RBM20: variants seen among roughly 807,000 people sequenced by gnomAD.
The protein encoded by RBM20 is RNA-binding protein 20.
RBM20 carries 51 observed loss-of-function variants against 110.1 expected under a neutral mutation model. That is an observed-to-expected ratio of 0.46 (90% CI 0.37 to 0.59). The LOEUF is 0.59. Among genes scored for constraint, RBM20 ranks in the 20% least tolerant of loss-of-function variants. RBM20 has a pLI of 0.00. For missense variants in RBM20, 1,512 were observed against 1,574.9 expected (o/e 0.96, Z 0.68); for synonymous variants, 589 against 618.2 (o/e 0.95, Z 0.70).
chr10:110,835,749 C>T (rs1845117670), intron 13 of RBM20, 119 bp from the exon 14 acceptor site: 11 of 979,428 alleles, frequency 1.1e-5, no homozygotes, highest in East Asian at 2.9e-5. Context: ...AAAAGGGTAA[C>T]CCCCACAGCT....
chr10:110,784,560 T>A (rs1844396888), intron 4 of RBM20, 128 bp downstream of exon 4: 1 of 774,590 alleles, frequency 1.3e-6, no homozygotes, highest in African/African-American at 1.7e-5. Flanking sequence ...AGCAAACAGA[T>A]CCCAAGACAC....
chr10:110,668,237 G>T (rs1039782036), intron 1 of RBM20, among the ~76,000 whole-genome samples: 3 of 120,930 alleles, frequency 2.5e-5, no homozygotes, highest in East Asian at 2.6e-4. Context: ...TGTGTCTGGG[G>T]CTACCTTGGG....
At chr10:110,759,608 G>A (rs200428440) in intron 1 of RBM20, among the ~76,000 whole-genome samples, 1 of 152,200 alleles carries the variant, frequency 6.6e-6, no homozygotes, top group Non-Finnish European at 1.5e-5. Flanking sequence ...TCCCAGCAGG[G>A]GCAGAGGGAG....
chr10:110,658,532 C>T (rs1437006012), intron 1 of RBM20, among the ~76,000 whole-genome samples: 1 of 152,174 alleles, frequency 6.6e-6, no homozygotes, highest in Non-Finnish European at 1.5e-5. Flanking sequence ...GCGTGCCCTC[C>T]TCTTTTTCGT....
intron 7 of RBM20, among the ~76,000 whole-genome samples, chr10:110,809,743 G>A (rs1453967777): frequency 6.6e-6 from 1 of 152,126 alleles, no homozygotes; most frequent in Non-Finnish European, 1.5e-5. Context: ...GTTGAAGGGG[G>A]CACAGAGCAT....
intron 2 of RBM20, among the ~76,000 whole-genome samples, chr10:110,782,643 C>G (rs1844369137): frequency 6.6e-6 from 1 of 152,132 alleles, no homozygotes. Flanking sequence ...TTACTCAGCC[C>G]CTTCTCCCCG....
intron 1 of RBM20, among the ~76,000 whole-genome samples, chr10:110,745,849 C>T (rs528900256): frequency 2.0e-5 from 3 of 152,124 alleles, no homozygotes; most frequent in Non-Finnish European, 2.9e-5. Flanking sequence ...ATGGAAATAG[C>T]GATGTATGCC....
chr10:110,649,255 A>T (rs1026335641), intron 1 of RBM20, among the ~76,000 whole-genome samples: 1 of 151,698 alleles, frequency 6.6e-6, no homozygotes, highest in African/African-American at 2.4e-5. Flanking sequence ...TTATATATTT[A>T]TTTATTTATT....
intron 1 of RBM20, among the ~76,000 whole-genome samples, chr10:110,689,258 G>A (rs551992664): frequency 6.6e-6 from 1 of 152,314 alleles, no homozygotes; most frequent in African/African-American, 2.4e-5. Context: ...GCTGACTGGG[G>A]CCTCCCATGA....
chr10:110,684,756 T>TA (rs5787865), intron 1 of RBM20, among the ~76,000 whole-genome samples: 1 of 152,124 alleles, frequency 6.6e-6, no homozygotes, highest in East Asian at 1.9e-4. Context: ...TTTAATACTT[T>TA]AAAAAAATTT....
intron 1 of RBM20, among the ~76,000 whole-genome samples, chr10:110,779,895 A>G (rs368074502): frequency 6.6e-6 from 1 of 152,372 alleles, no homozygotes; most frequent in South Asian, 2.1e-4. Flanking sequence ...TTTGGCACAA[A>G]TGTAAACACG....
At chr10:110,691,442 T>C (rs1862584204) in intron 1 of RBM20, among the ~76,000 whole-genome samples, 1 of 152,174 alleles carries the variant, frequency 6.6e-6, no homozygotes, top group South Asian at 2.1e-4. Flanking sequence ...AACACACTTG[T>C]TATTTTGTTT....
chr10:110,794,166 C>T (rs966527981), intron 5 of RBM20, among the ~76,000 whole-genome samples: 2 of 152,098 alleles, frequency 1.3e-5, no homozygotes, highest in Non-Finnish European at 2.9e-5. Context: ...AAATAATAGC[C>T]ATGTTTATGT....
chr10:110,826,538 T>G (rs1844982946), intron 12 of RBM20, among the ~76,000 whole-genome samples: 1 of 152,136 alleles, frequency 6.6e-6, no homozygotes, highest in Non-Finnish European at 1.5e-5. Flanking sequence ...TCATTGAGAT[T>G]CATCTGTACT....
At chr10:110,667,968 T>C (rs1342851436) in intron 1 of RBM20, among the ~76,000 whole-genome samples, 3 of 152,210 alleles carry the variant, frequency 2.0e-5, no homozygotes, top group Non-Finnish European at 2.9e-5. Context: ...TAACTGAGGC[T>C]ACAGCACTTT....
rs1218679983 is a variant in RBM20 at position 110,812,399 on chromosome 10, G to A, written c.2002G>A (p.Asp668Asn). The A allele has an allele frequency of 6.4e-7, 1 of 1,551,718 alleles. No homozygotes were observed. The highest frequency in any genetic ancestry group is 8.7e-7 in the Non-Finnish European group (1 of 1,147,002). The change falls in exon 9 of 14, where the codon GAC (aspartate) becomes AAC (asparagine). Residue 668 changes from aspartate to asparagine, a missense_variant. Coordinates refer to ENST00000369519, the MANE Select transcript of RBM20 (RefSeq NM_001134363.3). Reference sequence around the variant, plus strand: ...CAGCCCTCCGGGCCCCTCCCGGGCTGACTGGGGCAATGGCCGGGACTCCTG... The same window carrying A: ...CAGCCCTCCGGGCCCCTCCCGGGCTAACTGGGGCAATGGCCGGGACTCCTG... ...SHSPPGPSRA[D>N]WGNGRDSWEH...
intron 1 of RBM20, among the ~76,000 whole-genome samples, chr10:110,764,773 C>T (rs1039341457): frequency 3.3e-5 from 5 of 152,192 alleles, no homozygotes; most frequent in Non-Finnish European, 5.9e-5. Context: ...CTCCAGGCTT[C>T]GATAGCCGCA....
chr10:110,822,882 T>C (rs1018678495), intron 11 of RBM20, among the ~76,000 whole-genome samples: 7 of 152,168 alleles, frequency 4.6e-5, no homozygotes, highest in African/African-American at 1.7e-4. Context: ...TTCTTGTTGC[T>C]AGAGAAACCG....
In RBM20 at chr10:110,802,383, CT is replaced by C. The variant is rs200758964; in HGVS notation, c.1800+2483del. ...CAGTTCTCCTTCAGGCAGAACCTGG[CT>C]TTTTTTTTTTTTTTTTTCCTAATAA... On this transcript the variant is annotated intron_variant, in intron 7 of 13. Transcript: ENST00000369519. Among the ~76,000 whole-genome samples the C allele has an allele frequency of 7.0e-3, 948 of 135,208 alleles. 11 individuals carry two copies. The highest frequency in any genetic ancestry group is 0.021 in the African/African-American group (785 of 37,550). The allele number at this position is 135,208 out of a possible 152,430, so 88.7% of individuals were successfully genotyped here.
Sources: gnomAD v4.1 joint callset for allele counts (sites outside exome capture counted in the v4.1 genomes callset) on GRCh38, gnomAD v4.1.1 for gene constraint, MANE v1.5 for transcripts, NCBI Gene and HGNC (gene_info 2026-07-23, HGNC 2026-07-21) for gene names.